Variants in LRRC4C observed in about 807,000 individuals in gnomAD.
LRRC4C encodes leucine rich repeat containing 4C.
A neutral mutation model predicts 33.6 loss-of-function variants in LRRC4C; 5 were observed. That is an observed-to-expected ratio of 0.15 (90% CI 0.08 to 0.31). The LOEUF (loss-of-function observed/expected upper bound fraction) is 0.31, where lower values mean the gene tolerates loss of function less well. Ranked by LOEUF, LRRC4C falls within the 10% of genes least tolerant of loss-of-function variation. The probability of loss-of-function intolerance (pLI) is 1.00; values close to 1 mark genes in which losing one functional copy is unlikely to be tolerated. For missense variants in LRRC4C, 560 were observed against 796.7 expected (o/e 0.70, Z 3.58); for synonymous variants, 329 against 302.0 (o/e 1.09, Z -0.93).
At chr11:40,171,667 C>T (rs569825768) in intron 5 of LRRC4C, among the ~76,000 whole-genome samples, 13 of 152,108 alleles carry the variant, frequency 8.5e-5, no homozygotes, top group African/African-American at 2.7e-4. Context: ...ACACTATATG[C>T]GGCAGAAGGA....
At chr11:40,886,436 C>CACAT (rs61036208) in intron 2 of LRRC4C, among the ~76,000 whole-genome samples, 4 of 151,168 alleles carry the variant, frequency 2.6e-5, no homozygotes, top group African/African-American at 9.7e-5. Context: ...CACACACACA[C>CACAT]GCACACACTC....
rs1322317163 is a variant in LRRC4C, at chr11:40,724,596, A to G, written c.-406-76318T>C. Among the ~76,000 whole-genome samples the G allele has an allele frequency of 1.3e-5, 2 of 152,190 alleles. 1 individual carries two copies. Among genetic ancestry groups the G allele is most frequent in the Non-Finnish European group, 2.9e-5 (2 of 68,018 alleles). ...AACACTACATACCAAAATCTCTGGGATGTGGCAAAAACCACATTAAGAGGA... is the reference window on the plus strand; with the variant it reads ...AACACTACATACCAAAATCTCTGGGGTGTGGCAAAAACCACATTAAGAGGA... On this transcript the variant is annotated intron_variant, in intron 2 of 6. Transcript: ENST00000528697.
At chr11:40,826,959 G>C (rs1195317389) in intron 2 of LRRC4C, among the ~76,000 whole-genome samples, 1 of 151,886 alleles carries the variant, frequency 6.6e-6, no homozygotes, top group Non-Finnish European at 1.5e-5. Context: ...ACTATCCTTT[G>C]AAAACACTAC....
At chr11:40,175,606 G>A (rs1860412293) in intron 5 of LRRC4C, among the ~76,000 whole-genome samples, 1 of 152,148 alleles carries the variant, frequency 6.6e-6, no homozygotes, top group Admixed American at 6.5e-5. Flanking sequence ...TGGACACAAA[G>A]ATTTTGAGCC....
Position 40,304,858 on chromosome 11 carries a change from T to C in LRRC4C, c.-176+14770A>G, listed in dbSNP as rs1466139963. 1.3e-5 allele frequency among the ~76,000 whole-genome samples: 2 copies of C among 151,938 alleles called. 1 individual carries two copies. Among genetic ancestry groups the C allele is most frequent in the East Asian group, 3.9e-4 (2 of 5,138 alleles). ...GCAATTCTCCTGCTTTCACTCCAGT[T>C]CAGATCCTGAGCACTCCTGCCTCAG... On this transcript the variant is annotated intron_variant, in intron 4 of 6. Coordinates refer to ENST00000528697, the MANE Select transcript of LRRC4C (RefSeq NM_001258419.2).
chr11:40,841,050 A>G (rs1952890858), intron 2 of LRRC4C, among the ~76,000 whole-genome samples: 1 of 152,210 alleles, frequency 6.6e-6, no homozygotes. Context: ...AGAAAATATA[A>G]AAAGAAAGAT....
intron 2 of LRRC4C, among the ~76,000 whole-genome samples, chr11:40,648,886 C>T (rs1057448842): frequency 2.0e-5 from 3 of 152,048 alleles, no homozygotes; most frequent in Non-Finnish European, 2.9e-5. Flanking sequence ...CCTGGGCCTC[C>T]GGGGGTGACC....
intron 1 of LRRC4C, among the ~76,000 whole-genome samples, chr11:41,087,947 T>C (rs1449670540): frequency 6.6e-6 from 1 of 152,154 alleles, no homozygotes; most frequent in Non-Finnish European, 1.5e-5. Flanking sequence ...AATGAACAAA[T>C]AAGTGAATGA....
chr11:41,455,655 A>C (rs1956151513), intron 1 of LRRC4C, among the ~76,000 whole-genome samples: 1 of 152,180 alleles, frequency 6.6e-6, no homozygotes, highest in African/African-American at 2.4e-5. Context: ...TGTCTTGAAC[A>C]ATACATAAAG....
chr11:40,512,313 G>A (rs553557983), intron 3 of LRRC4C, among the ~76,000 whole-genome samples: 25 of 152,298 alleles, frequency 1.6e-4, no homozygotes, highest in African/African-American at 6.0e-4. Context: ...GGCAGAGGTT[G>A]CAGTGAGCCG....
At chr11:40,770,115 T>C (rs1949683996) in intron 2 of LRRC4C, among the ~76,000 whole-genome samples, 1 of 152,198 alleles carries the variant, frequency 6.6e-6, no homozygotes, top group Non-Finnish European at 1.5e-5. Flanking sequence ...AACATTAGTC[T>C]GTTCTCATGC....
chr11:41,426,336 G>T (rs771991131), intron 1 of LRRC4C: 1 of 152,140 alleles, frequency 6.6e-6, no homozygotes, highest in Non-Finnish European at 1.5e-5. Context: ...CCTGGACTCC[G>T]ACTGAGAACA....
rs181116345 is a variant in LRRC4C at position 40,667,761 on chromosome 11, C to G, written c.-406-19483G>C. Among the ~76,000 whole-genome samples the G allele has an allele frequency of 9.2e-5, 14 of 152,284 alleles. No individual in the cohort carries two copies. In the East Asian group the frequency reaches 2.7e-3, roughly 29 times the overall value. On this transcript the variant is annotated intron_variant, in intron 2 of 6. Coordinates refer to ENST00000528697, the MANE Select transcript of LRRC4C (RefSeq NM_001258419.2). ...AGAAATTGAATTAGGCCAACAACAACAAGAGATTTGAAGAAGACTCCAAAC... is the reference window on the plus strand; with the variant it reads ...AGAAATTGAATTAGGCCAACAACAAGAAGAGATTTGAAGAAGACTCCAAAC...
chr11:40,564,950 A>C (rs975936884), intron 3 of LRRC4C, among the ~76,000 whole-genome samples: 1 of 152,150 alleles, frequency 6.6e-6, no homozygotes, highest in Non-Finnish European at 1.5e-5. Flanking sequence ...CTTTCAGTGG[A>C]CACATGCAGC....
intron 4 of LRRC4C, among the ~76,000 whole-genome samples, chr11:40,290,912 C>T (rs554956297): frequency 3.9e-5 from 6 of 152,190 alleles, no homozygotes; most frequent in South Asian, 2.1e-4. Context: ...ACTCATAAAA[C>T]GGCATCCAAA....
chr11:40,867,096 C>A (rs1046119116), intron 2 of LRRC4C, among the ~76,000 whole-genome samples: 2 of 152,276 alleles, frequency 1.3e-5, no homozygotes, highest in Middle Eastern at 3.4e-3. Context: ...CCTTTCAAAT[C>A]TTAAGTCTTA....
At chr11:40,809,774 T>C (rs1280507723) in intron 2 of LRRC4C, among the ~76,000 whole-genome samples, 2 of 152,218 alleles carry the variant, frequency 1.3e-5, no homozygotes, top group Non-Finnish European at 2.9e-5. Context: ...CCTTACAAAG[T>C]GCAGACTCTC....
At chr11:41,088,883 T>C (rs933237363) in intron 1 of LRRC4C, among the ~76,000 whole-genome samples, 3 of 152,062 alleles carry the variant, frequency 2.0e-5, no homozygotes, top group African/African-American at 7.2e-5. Context: ...AGAGTCTAGA[T>C]AAGAAATTAT....
chr11:40,418,000 C>T (rs1333077967), intron 3 of LRRC4C, among the ~76,000 whole-genome samples: 1 of 152,104 alleles, frequency 6.6e-6, no homozygotes, highest in Non-Finnish European at 1.5e-5. Flanking sequence ...TGATTACTTT[C>T]CTCACTTTGA....
Sources: gnomAD v4.1 joint callset for allele counts (sites outside exome capture counted in the v4.1 genomes callset) on GRCh38, gnomAD v4.1.1 for gene constraint, MANE v1.5 for transcripts, NCBI Gene and HGNC (gene_info 2026-07-23, HGNC 2026-07-21) for gene names.